The following GRIK1 variants were observed in gnomAD, a reference collection of about 807,000 sequenced individuals.
GRIK1 encodes glutamate receptor ionotropic, kainate 1.
GRIK1 carries 69 observed loss-of-function variants against 105.7 expected under a neutral mutation model. The ratio of observed to expected loss-of-function variants is 0.65; its 90% CI spans 0.54 to 0.80. GRIK1 has a LOEUF of 0.80. GRIK1 is among the 30% of genes least tolerant of loss of function. The pLI is 0.00. For synonymous variants in GRIK1, 438 were observed against 431.3 expected, an observed-to-expected ratio of 1.02 and a Z score of -0.19; for missense variants, 1,109 against 1,167.3, an observed-to-expected ratio of 0.95 and a Z score of 0.73.
intron 1 of GRIK1, among the ~76,000 whole-genome samples, chr21:29,731,215 G>A (rs2146897887): frequency 6.6e-6 from 1 of 152,302 alleles, no homozygotes; most frequent in South Asian, 2.1e-4. Context: ...TGTTTTCCCA[G>A]GTGCTTTTCT....
At chr21:29,801,935 A>G (rs1449293791) in intron 1 of GRIK1, among the ~76,000 whole-genome samples, 1 of 152,180 alleles carries the variant, frequency 6.6e-6, no homozygotes, top group African/African-American at 2.4e-5. Flanking sequence ...ACTTTGTGAA[A>G]CAAAGCAAAC....
chr21:29,563,750 A>G (rs757658542), intron 14 of GRIK1, among the ~76,000 whole-genome samples: 54 of 152,358 alleles, frequency 3.5e-4, no homozygotes, highest in Middle Eastern at 3.4e-3. Flanking sequence ...TCTTTGAAGT[A>G]TAAAATTTAA....
At chr21:29,869,485 G>T (rs2068937296) in intron 1 of GRIK1, among the ~76,000 whole-genome samples, 1 of 152,230 alleles carries the variant, frequency 6.6e-6, no homozygotes, top group African/African-American at 2.4e-5. Flanking sequence ...GATATTGATT[G>T]TGGTGGTGGG....
chr21:29,797,052 C>G lies in GRIK1; in HGVS notation c.119-102989G>C, dbSNP rs141064127. Among the ~76,000 whole-genome samples the G allele has an allele frequency of 8.1e-3, 1,239 of 152,106 alleles. 49 individuals carry two copies. The highest frequency in any genetic ancestry group is 0.07 in the Admixed American group (1,070 of 15,268). ...TACAAAAGTAAACATTTTAAATAGC[C>G]ATAGCAGAAGGTGAAACTTTCCTAT... is the stretch of plus-strand genomic sequence containing the variant. On this transcript the variant is annotated intron_variant, in intron 1 of 17. Coordinates refer to ENST00000327783, the MANE Select transcript of GRIK1 (RefSeq NM_001330994.2).
chr21:29,566,791 G>A (rs1051216978), intron 14 of GRIK1, among the ~76,000 whole-genome samples: 3 of 152,134 alleles, frequency 2.0e-5, no homozygotes, highest in African/African-American at 7.2e-5. Flanking sequence ...TTTTATAGAT[G>A]AGGAAATAGA....
intron 1 of GRIK1, among the ~76,000 whole-genome samples, chr21:29,775,599 A>G (rs969829954): frequency 6.6e-6 from 1 of 152,152 alleles, no homozygotes; most frequent in African/African-American, 2.4e-5. Flanking sequence ...CAGAAAGGAA[A>G]AAAAGGGCAA....
At chr21:29,881,357 T>A (rs1267753381) in intron 1 of GRIK1, among the ~76,000 whole-genome samples, 1 of 152,122 alleles carries the variant, frequency 6.6e-6, no homozygotes, top group Non-Finnish European at 1.5e-5. Flanking sequence ...TGGTATTTTA[T>A]TTTCATAAAA....
intron 1 of GRIK1, among the ~76,000 whole-genome samples, chr21:29,756,118 ACGC>A (rs1235961883): frequency 6.6e-6 from 1 of 152,244 alleles, no homozygotes; most frequent in Admixed American, 6.5e-5. Context: ...GCGGTGGCTC[ACGC>A]CTGTAATCCC....
chr21:29,862,960 G>C (rs2068692543), intron 1 of GRIK1, among the ~76,000 whole-genome samples: 2 of 152,138 alleles, frequency 1.3e-5, no homozygotes, highest in Non-Finnish European at 2.9e-5. Context: ...AATACTGATG[G>C]ACAACTGTAT....
chr21:29,827,465 A>C (rs1055578316), intron 1 of GRIK1, among the ~76,000 whole-genome samples: 7 of 152,146 alleles, frequency 4.6e-5, no homozygotes, highest in African/African-American at 1.7e-4. Flanking sequence ...AATGTTTATG[A>C]AGCTGTATGG....
chr21:29,844,199 T>A (rs532335731), intron 1 of GRIK1, among the ~76,000 whole-genome samples: 2 of 149,826 alleles, frequency 1.3e-5, no homozygotes, highest in Admixed American at 6.7e-5. Context: ...GAATATGATT[T>A]AAAAAAAAAA....
chr21:29,885,766 T>G (rs466559), intron 1 of GRIK1, among the ~76,000 whole-genome samples: 133,894 of 151,968 alleles, frequency 0.88, 59,925 homozygotes, highest in Non-Finnish European at 0.96. Flanking sequence ...TGAATGACCT[T>G]CCATAAACCA....
At chr21:29,591,471 C>T (rs955075299) in intron 9 of GRIK1, among the ~76,000 whole-genome samples, 11 of 152,078 alleles carry the variant, frequency 7.2e-5, no homozygotes, top group African/African-American at 2.4e-4. Flanking sequence ...ATTTAGTAAA[C>T]TCATTTTCTT....
At chr21:29,581,666 G>C in intron 12 of GRIK1, 123 bp from the exon 13 acceptor site, 1 of 625,776 alleles carries the variant, frequency 1.6e-6, no homozygotes, top group East Asian at 2.7e-5. Flanking sequence ...CAAACCAAAA[G>C]AGTAAAGGCC....
intron 14 of GRIK1, among the ~76,000 whole-genome samples, chr21:29,569,239 G>A (rs1438790248): frequency 6.6e-6 from 1 of 152,044 alleles, no homozygotes; most frequent in Non-Finnish European, 1.5e-5. Flanking sequence ...TAGAGGTAAG[G>A]GTTGAATAAT....
At chr21:29,638,847 G>T (rs1037437549) in intron 7 of GRIK1, among the ~76,000 whole-genome samples, 3 of 152,106 alleles carry the variant, frequency 2.0e-5, no homozygotes, top group Non-Finnish European at 4.4e-5. Flanking sequence ...ATCACTACAT[G>T]ACAAATATTT....
rs534411309 is a variant in GRIK1 at position 29,815,474 on chromosome 21, G to A, written c.119-121411C>T. Reference sequence around the variant, plus strand: ...ATTATTCAAGGAAACTATGACTAGGGAGGTGGCAGGATACTGGGAGTGGGG... The same window carrying A: ...ATTATTCAAGGAAACTATGACTAGGAAGGTGGCAGGATACTGGGAGTGGGG... On this transcript the variant is annotated intron_variant, in intron 1 of 17. Transcript: ENST00000327783. Among the ~76,000 whole-genome samples the A allele has an allele frequency of 1.6e-4, 24 of 152,238 alleles. No individual in the cohort carries two copies. In the South Asian group the frequency reaches 5.0e-3, roughly 32 times the overall value.
At chr21:29,932,919 TAA>T in intron 1 of GRIK1, among the ~76,000 whole-genome samples, 1 of 143,160 alleles carries the variant, frequency 7.0e-6, no homozygotes. Flanking sequence ...AAGTCTAGTG[TAA>T]AAAAAAAAAC....
At chr21:29,730,573 T>C (rs1290752570) in intron 1 of GRIK1, among the ~76,000 whole-genome samples, 1 of 152,210 alleles carries the variant, frequency 6.6e-6, no homozygotes, top group East Asian at 1.9e-4. Context: ...TGGGATGTAT[T>C]TGCAAGACAG....
Sources: allele counts gnomAD v4.1 joint callset (sites outside exome capture counted in the v4.1 genomes callset), GRCh38; gene constraint gnomAD v4.1.1; transcripts MANE v1.5; gene names NCBI Gene and HGNC (gene_info 2026-07-23, HGNC 2026-07-21).